Variants in KCNMA1 observed in about 807,000 individuals in gnomAD.
The protein encoded by KCNMA1 is potassium calcium-activated channel subfamily M alpha 1, also known as Calcium-activated potassium channel subunit alpha-1.
KCNMA1 carries 29 observed loss-of-function variants against 140.0 expected under a neutral mutation model. The observed-to-expected ratio is 0.21, with a 90% CI of 0.15 to 0.28. The LOEUF (loss-of-function observed/expected upper bound fraction) is 0.28, where lower values mean the gene tolerates loss of function less well. KCNMA1 is among the 10% of genes least tolerant of loss of function. The probability of loss-of-function intolerance (pLI) is 1.00; values close to 1 mark genes in which losing one functional copy is unlikely to be tolerated. For synonymous variants in KCNMA1, 612 were observed against 611.9 expected (o/e 1.00, Z 0.00); for missense variants, 880 against 1,602.2 (o/e 0.55, Z 7.70).
intron 5 of KCNMA1, among the ~76,000 whole-genome samples, chr10:77,182,464 A>T (rs1447515161): frequency 2.6e-5 from 4 of 152,148 alleles, no homozygotes; most frequent in Non-Finnish European, 5.9e-5. Context: ...TCTCTAAAAC[A>T]CTATCATGTG....
intron 5 of KCNMA1, among the ~76,000 whole-genome samples, chr10:77,156,024 G>A (rs902517681): frequency 3.9e-5 from 6 of 151,906 alleles, no homozygotes; most frequent in Non-Finnish European, 7.4e-5. Flanking sequence ...TTAGGAGATC[G>A]AGACCATCCT....
intron 1 of KCNMA1, among the ~76,000 whole-genome samples, chr10:77,481,159 G>A (rs190885167): frequency 1.1e-4 from 17 of 150,082 alleles, no homozygotes; most frequent in South Asian, 8.5e-4. Flanking sequence ...ACATACACAC[G>A]CGTGCACACA....
chr10:76,936,195 G>A (rs2060508364), intron 23 of KCNMA1, among the ~76,000 whole-genome samples: 1 of 152,180 alleles, frequency 6.6e-6, no homozygotes, highest in Non-Finnish European at 1.5e-5. Context: ...GTCCACGGAA[G>A]AAATGTAACA....
chr10:77,144,090 A>T (rs868371797), intron 5 of KCNMA1, among the ~76,000 whole-genome samples: 30 of 152,176 alleles, frequency 2.0e-4, no homozygotes, highest in African/African-American at 6.3e-4. Context: ...AAGAAAAAAA[A>T]ATATATGTCC....
rs1473158412 is a variant in KCNMA1, at chr10:77,039,650, A to G, written c.1750-13T>C. 1 of 1,497,972 alleles carries G rather than the reference A, an allele frequency of 6.7e-7. No homozygotes were observed. Among genetic ancestry groups the G allele is most frequent in the Non-Finnish European group, 9.3e-7 (1 of 1,073,878 alleles). 92.8% of individuals were successfully genotyped at this position (1,497,972 alleles called of 1,614,324 possible). On this transcript the variant is annotated splice_polypyrimidine_tract_variant and intron_variant, in intron 14 of 27. Transcript: ENST00000286628. The stretch of plus-strand genomic sequence containing the variant: ...TGTCTTCCTCAATCTAAAGGAAAGG[A>G]ACACATGCGGAGAGTTTAAAATATG...
intron 5 of KCNMA1, among the ~76,000 whole-genome samples, chr10:77,161,002 A>C (rs2098548297): frequency 6.6e-6 from 1 of 152,212 alleles, no homozygotes; most frequent in Non-Finnish European, 1.5e-5. Context: ...ATTTTTCTAA[A>C]AGGCCCAGTC....
chr10:77,515,685 T>C (rs938889275), intron 1 of KCNMA1, among the ~76,000 whole-genome samples: 3 of 152,172 alleles, frequency 2.0e-5, no homozygotes, highest in Non-Finnish European at 4.4e-5. Flanking sequence ...CAAATATTTG[T>C]GGTTCACCCC....
intron 20 of KCNMA1, 105 bp downstream of exon 20, chr10:76,969,869 C>T: frequency 3.5e-6 from 3 of 856,414 alleles, no homozygotes; most frequent in Non-Finnish European, 6.0e-6. Context: ...CCACCCCGGG[C>T]TTGCTGGGGA....
chr10:77,194,355 C>T (rs2039706743), intron 3 of KCNMA1, among the ~76,000 whole-genome samples: 1 of 152,138 alleles, frequency 6.6e-6, no homozygotes, highest in Non-Finnish European at 1.5e-5. Context: ...CTGTCTGAGC[C>T]TTCTCCAGAT....
intron 2 of KCNMA1, among the ~76,000 whole-genome samples, chr10:77,388,850 A>C (rs1462756954): frequency 6.6e-6 from 1 of 152,136 alleles, no homozygotes; most frequent in Non-Finnish European, 1.5e-5. Flanking sequence ...TGCCTTTACA[A>C]GGTTTTTTTC....
At chr10:77,260,272 G>T (rs1221545658) in intron 2 of KCNMA1, among the ~76,000 whole-genome samples, 3 of 152,194 alleles carry the variant, frequency 2.0e-5, no homozygotes, top group Non-Finnish European at 4.4e-5. Flanking sequence ...CCCTGAATAG[G>T]GGGAGGGGCC....
intron 18 of KCNMA1, among the ~76,000 whole-genome samples, chr10:77,006,317 A>G (rs1260166748): frequency 6.6e-6 from 1 of 152,192 alleles, no homozygotes; most frequent in Non-Finnish European, 1.5e-5. Context: ...CATTCAATCA[A>G]TAGATACTTT....
chr10:77,064,127 T>C (rs1045948219), intron 14 of KCNMA1: 1 of 985,000 alleles, frequency 1.0e-6, no homozygotes, highest in Non-Finnish European at 1.2e-6. Flanking sequence ...TATAAAAGAA[T>C]CCATATGTGA....
chr10:76,911,203 TTAAA>T (rs1205356546), intron 24 of KCNMA1: 5 of 144,802 alleles, frequency 3.5e-5, no homozygotes, highest in African/African-American at 1.3e-4. Flanking sequence ...CTCTTCTTTT[TTAAA>T]AAAAAAAAAC....
rs1427443541 is a variant in KCNMA1, at chr10:77,108,203, G to A, written c.1223+278C>T. On this transcript the variant is annotated intron_variant, in intron 9 of 27. Coordinates refer to ENST00000286628, the MANE Select transcript of KCNMA1 (RefSeq NM_001161352.2). This position sits in a 1 kb window ranked among gnomAD's most constrained non-coding sequence, Gnocchi z 4.6. ...CTCACAGAAGCACCCGGTGGGGTTGGGGAGGGGCAGAATTCAGATGGCACC... is the reference window on the plus strand; with the variant it reads ...CTCACAGAAGCACCCGGTGGGGTTGAGGAGGGGCAGAATTCAGATGGCACC... The A allele has an allele frequency of 9.1e-7, 1 of 1,098,738 alleles. No individual in the cohort carries two copies. Among genetic ancestry groups the A allele is most frequent in the Admixed American group, 2.9e-5 (1 of 34,800 alleles). 68.1% of individuals were successfully genotyped at this position (1,098,738 alleles called of 1,614,324 possible). A position where few individuals can be genotyped will look rare whatever the true frequency, so the allele number is the denominator to read the frequency against.
chr10:77,434,510 G>A (rs1021474338), intron 1 of KCNMA1, among the ~76,000 whole-genome samples: 4 of 152,184 alleles, frequency 2.6e-5, no homozygotes, highest in African/African-American at 9.7e-5. Context: ...CTATTAGCGT[G>A]ATGCATGTCT....
At chr10:77,199,576 G>T (rs929991505) in intron 3 of KCNMA1, among the ~76,000 whole-genome samples, 3 of 152,216 alleles carry the variant, frequency 2.0e-5, no homozygotes, top group Admixed American at 1.3e-4. Flanking sequence ...CATGATGGAT[G>T]CTATGTCAGT....
chr10:77,203,225 T>C (rs938264742), intron 3 of KCNMA1, among the ~76,000 whole-genome samples: 2 of 152,196 alleles, frequency 1.3e-5, no homozygotes, highest in African/African-American at 2.4e-5. Context: ...GGTCCTATCC[T>C]AATCACAACA....
intron 16 of KCNMA1, chr10:77,025,309 A>G (rs1301707989): frequency 2.5e-6 from 1 of 398,902 alleles, no homozygotes; most frequent in East Asian, 4.2e-5. Flanking sequence ...ATATAGATAC[A>G]CCAGACAAGG....
Sources: gnomAD v4.1 joint callset for allele counts (sites outside exome capture counted in the v4.1 genomes callset) on GRCh38, gnomAD v4.1.1 for gene constraint, Gnocchi (gnomAD v3.1) non-coding constraint, MANE v1.5 for transcripts, NCBI Gene and HGNC (gene_info 2026-07-23, HGNC 2026-07-21) for gene names.